Variants in PRKAG2 observed in about 807,000 individuals in gnomAD.
PRKAG2 encodes the protein 5'-AMP-activated protein kinase subunit gamma-2.
A neutral mutation model predicts 69.6 loss-of-function variants in PRKAG2; 26 were observed. The ratio of observed to expected loss-of-function variants is 0.37; its 90% CI spans 0.27 to 0.52. The LOEUF (loss-of-function observed/expected upper bound fraction) is 0.52, where lower values mean the gene tolerates loss of function less well. PRKAG2 is among the 20% of genes least tolerant of loss of function. The probability of loss-of-function intolerance (pLI) is 0.90; values close to 1 mark genes in which losing one functional copy is unlikely to be tolerated. For synonymous variants in PRKAG2, 293 were observed against 285.0 expected (o/e 1.03, Z -0.28); for missense variants, 557 against 740.0 (o/e 0.75, Z 2.87).
chr7:151,627,884 G>A (rs1160622205), intron 5 of PRKAG2, among the ~76,000 whole-genome samples: 4 of 152,088 alleles, frequency 2.6e-5, no homozygotes, highest in Admixed American at 2.6e-4. Flanking sequence ...GGCTGGTCTT[G>A]AACTCCTGGC....
intron 8 of PRKAG2, among the ~76,000 whole-genome samples, chr7:151,573,801 CAG>C (rs1808256182): frequency 1.3e-5 from 2 of 152,134 alleles, no homozygotes; most frequent in African/African-American, 4.8e-5. Flanking sequence ...TTTTCGGAGA[CAG>C]AGTCTCCCTC....
At chr7:151,615,820 A>G (rs1429708621) in intron 5 of PRKAG2, among the ~76,000 whole-genome samples, 1 of 152,248 alleles carries the variant, frequency 6.6e-6, no homozygotes, top group Non-Finnish European at 1.5e-5. Context: ...AAAAAAGCTC[A>G]ACACTACTGC....
intron 1 of PRKAG2, among the ~76,000 whole-genome samples, chr7:151,865,236 A>G (rs2080033903): frequency 6.6e-6 from 1 of 152,186 alleles, no homozygotes; most frequent in South Asian, 2.1e-4. Flanking sequence ...CCTGCTGGAC[A>G]CACGGCCCAG....
intron 3 of PRKAG2, among the ~76,000 whole-genome samples, chr7:151,684,312 C>T (rs1003333493): frequency 6.6e-6 from 1 of 151,758 alleles, no homozygotes; most frequent in East Asian, 1.9e-4. Context: ...CCCAACGATA[C>T]AGTTTCCAGC....
chr7:151,606,889 A>G lies in PRKAG2; in HGVS notation c.755-11435T>C, dbSNP rs75786794. On this transcript the variant is annotated intron_variant, in intron 5 of 15. Transcript: ENST00000287878. ...GGCAAGAAGTTCCAACTCCATATTCAAAAGCTAACTGAGGTTAAGATATTA... is the reference window on the plus strand; with the variant it reads ...GGCAAGAAGTTCCAACTCCATATTCGAAAGCTAACTGAGGTTAAGATATTA... Among the ~76,000 whole-genome samples, 28 of 152,334 alleles carry G rather than the reference A, an allele frequency of 1.8e-4. 1 individual carries two copies. The East Asian group carries it at 4.8e-3, about 26-fold the overall frequency.
At chr7:151,713,208 C>T (rs1029081504) in intron 3 of PRKAG2, among the ~76,000 whole-genome samples, 1 of 152,226 alleles carries the variant, frequency 6.6e-6, no homozygotes, top group African/African-American at 2.4e-5. Context: ...CTGAGCCTGA[C>T]ATCTTAGAAA....
chr7:151,580,924 T>C (rs888323197), intron 6 of PRKAG2, among the ~76,000 whole-genome samples: 2 of 152,324 alleles, frequency 1.3e-5, no homozygotes, highest in African/African-American at 2.4e-5. Context: ...CAATAATTTA[T>C]TGTACATTTA....
At chr7:151,729,000 C>T (rs1563539365) in intron 3 of PRKAG2, among the ~76,000 whole-genome samples, 1 of 152,110 alleles carries the variant, frequency 6.6e-6, no homozygotes, top group Non-Finnish European at 1.5e-5. Context: ...GAGGTGACAG[C>T]CGCCTGGCCT....
intron 6 of PRKAG2, among the ~76,000 whole-genome samples, chr7:151,593,277 T>C (rs1585101780): frequency 6.6e-6 from 1 of 152,192 alleles, no homozygotes; most frequent in Non-Finnish European, 1.5e-5. Flanking sequence ...AGCCTCCGCC[T>C]CCTGGGTTGA....
chr7:151,773,593 T>C (rs778909295), intron 3 of PRKAG2, among the ~76,000 whole-genome samples: 7 of 152,242 alleles, frequency 4.6e-5, no homozygotes, highest in Non-Finnish European at 7.3e-5. Flanking sequence ...CACAGACTTT[T>C]ATAAGGAGCA....
chr7:151,568,450 C>T (rs1806768923), intron 11 of PRKAG2, among the ~76,000 whole-genome samples: 1 of 152,094 alleles, frequency 6.6e-6, no homozygotes, highest in Admixed American at 6.6e-5. Context: ...ATGCTGGTGA[C>T]AAATGTTTTA....
At position 151,567,035 on chromosome 7, in the gene PRKAG2, A is replaced by C. The variant is rs1177910607; in HGVS notation, c.1234-1150T>G. 1.3e-5 allele frequency among the ~76,000 whole-genome samples: 2 copies of C among 152,222 alleles called. No individual in the cohort carries two copies. Among genetic ancestry groups the C allele is most frequent in the Non-Finnish European group, 2.9e-5 (2 of 68,034 alleles). On this transcript the variant is annotated intron_variant, in intron 11 of 15. Transcript: ENST00000287878. The surrounding 1 kb of genome is among the most constrained non-coding windows in gnomAD (Gnocchi z 4.2). ...AGATAAAAATCTGAAGCAGCTCTGCAAAAGAATGATCTCACGCTTTTACTC... is the reference window on the plus strand; with the variant it reads ...AGATAAAAATCTGAAGCAGCTCTGCCAAAGAATGATCTCACGCTTTTACTC...
intron 3 of PRKAG2, among the ~76,000 whole-genome samples, chr7:151,680,522 C>T (rs1730576696): frequency 6.6e-6 from 1 of 152,210 alleles, no homozygotes; most frequent in Non-Finnish European, 1.5e-5. Flanking sequence ...TCTGATTTTG[C>T]CTAGACTATC....
At chr7:151,683,436 G>T (rs925043250) in intron 3 of PRKAG2, among the ~76,000 whole-genome samples, 3 of 152,198 alleles carry the variant, frequency 2.0e-5, no homozygotes, top group Non-Finnish European at 4.4e-5. Flanking sequence ...AGGTAGACCA[G>T]ATGCCTATCT....
At chr7:151,775,517 A>T (rs1056881523) in intron 3 of PRKAG2, among the ~76,000 whole-genome samples, 1 of 152,178 alleles carries the variant, frequency 6.6e-6, no homozygotes, top group Non-Finnish European at 1.5e-5. Flanking sequence ...TTTGCTTGTT[A>T]AAAAAGTGGT....
At chr7:151,590,025 T>C (rs2151106740) in intron 6 of PRKAG2, among the ~76,000 whole-genome samples, 1 of 152,342 alleles carries the variant, frequency 6.6e-6, no homozygotes, top group Middle Eastern at 3.4e-3. Context: ...TCCATGGGTT[T>C]AACACAGTGT....
intron 1 of PRKAG2, among the ~76,000 whole-genome samples, chr7:151,808,774 G>GTTCGTGGC (rs2078256674): frequency 6.6e-6 from 1 of 152,126 alleles, no homozygotes; most frequent in Non-Finnish European, 1.5e-5. Context: ...ACGACAGATG[G>GTTCGTGGC]CTGCGCGGCC....
chr7:151,646,941 T>G (rs1563336849), intron 4 of PRKAG2, among the ~76,000 whole-genome samples: 1 of 152,252 alleles, frequency 6.6e-6, no homozygotes, highest in Non-Finnish European at 1.5e-5. Context: ...TTCCTCTTCC[T>G]CTACCTTCCT....
intron 3 of PRKAG2, among the ~76,000 whole-genome samples, chr7:151,749,351 T>C (rs969134623): frequency 6.6e-6 from 1 of 152,202 alleles, no homozygotes; most frequent in African/African-American, 2.4e-5. Flanking sequence ...CAGTGAACTG[T>C]AGTCCCCGGT....
Sources: gnomAD v4.1 joint callset for allele counts (sites outside exome capture counted in the v4.1 genomes callset) on GRCh38, gnomAD v4.1.1 for gene constraint, Gnocchi (gnomAD v3.1) non-coding constraint, MANE v1.5 for transcripts, NCBI Gene and HGNC (gene_info 2026-07-23, HGNC 2026-07-21) for gene names.